The following MAGI3 variants were observed in gnomAD, a reference collection of about 807,000 sequenced individuals.
MAGI3 encodes the protein membrane-associated guanylate kinase, WW and PDZ domain-containing protein 3.
In MAGI3, 43 loss-of-function variants were observed where a neutral mutation model predicts 121.8. The ratio of observed to expected loss-of-function variants is 0.35; its 90% CI spans 0.28 to 0.46. MAGI3 has a LOEUF of 0.46. Among genes scored for constraint, MAGI3 ranks in the 20% least tolerant of loss-of-function variants. The pLI, the probability that MAGI3 is intolerant of heterozygous loss-of-function variation, is 1.00. For synonymous variants in MAGI3, 553 were observed against 639.3 expected (o/e 0.86, Z 2.04); for missense variants, 1,547 against 1,797.3 (o/e 0.86, Z 2.52).
chr1:113,595,608 C>G (rs907505395), intron 6 of MAGI3, among the ~76,000 whole-genome samples: 1 of 152,094 alleles, frequency 6.6e-6, no homozygotes, highest in Non-Finnish European at 1.5e-5. Context: ...AAGAAGCAAT[C>G]AGAAAATGGA....
intron 9 of MAGI3, among the ~76,000 whole-genome samples, chr1:113,636,650 A>G (rs1652044327): frequency 6.6e-6 from 1 of 152,070 alleles, no homozygotes; most frequent in Admixed American, 6.6e-5. Flanking sequence ...ACTTCCAACT[A>G]TGTGGTCAAT....
At chr1:113,466,421 C>T (rs1385403668) in intron 1 of MAGI3, among the ~76,000 whole-genome samples, 3 of 152,140 alleles carry the variant, frequency 2.0e-5, no homozygotes, top group Admixed American at 1.3e-4. Context: ...CATCTATGTT[C>T]ATCAGTGATA....
chr1:113,395,825 C>G (rs916255317), intron 1 of MAGI3, among the ~76,000 whole-genome samples: 1 of 151,874 alleles, frequency 6.6e-6, no homozygotes, highest in Non-Finnish European at 1.5e-5. Context: ...TTTAATAATT[C>G]TTTAATTTCT....
chr1:113,530,569 C>G (rs886815187), intron 1 of MAGI3, among the ~76,000 whole-genome samples: 2 of 151,594 alleles, frequency 1.3e-5, no homozygotes, highest in African/African-American at 4.8e-5. Context: ...TATAACAATA[C>G]TGCACATGTA....
At chr1:113,464,000 A>G (rs1253914436) in intron 1 of MAGI3, among the ~76,000 whole-genome samples, 1 of 152,126 alleles carries the variant, frequency 6.6e-6, no homozygotes, top group African/African-American at 2.4e-5. Flanking sequence ...TCTTTATGCT[A>G]TAAACATTCA....
chr1:113,589,523 T>A (rs1570908416), intron 4 of MAGI3, among the ~76,000 whole-genome samples: 1 of 152,122 alleles, frequency 6.6e-6, no homozygotes, highest in South Asian at 2.1e-4. Flanking sequence ...TTATAGTGGT[T>A]CATCATGGAA....
At chr1:113,431,205 CT>C (rs759788329) in intron 1 of MAGI3, among the ~76,000 whole-genome samples, 1 of 152,168 alleles carries the variant, frequency 6.6e-6, no homozygotes, top group Non-Finnish European at 1.5e-5. Context: ...ATAGTGCTAG[CT>C]ACTCAGGAGA....
chr1:113,567,789 A>T (rs1319712365), intron 2 of MAGI3, among the ~76,000 whole-genome samples: 1 of 152,094 alleles, frequency 6.6e-6, no homozygotes, highest in African/African-American at 2.4e-5. Flanking sequence ...TTTTCCTGTG[A>T]GATCCTGCAA....
intron 2 of MAGI3, among the ~76,000 whole-genome samples, chr1:113,579,148 G>A (rs560283621): frequency 4.6e-5 from 7 of 152,280 alleles, no homozygotes; most frequent in African/African-American, 1.4e-4. Flanking sequence ...AGCACCTACT[G>A]TGATCTTTGC....
At chr1:113,510,693 A>T (rs945059361) in intron 1 of MAGI3, among the ~76,000 whole-genome samples, 1 of 152,186 alleles carries the variant, frequency 6.6e-6, no homozygotes, top group Non-Finnish European at 1.5e-5. Flanking sequence ...GAGAAATTCT[A>T]AACTCTAGCA....
chr1:113,680,798 G>T (rs1216525963), intron 19 of MAGI3, among the ~76,000 whole-genome samples: 1 of 151,978 alleles, frequency 6.6e-6, no homozygotes, highest in Non-Finnish European at 1.5e-5. Flanking sequence ...TCCTACACAG[G>T]AAAGTTTTAT....
chr1:113,597,664 A>G (rs1171499037), intron 6 of MAGI3, among the ~76,000 whole-genome samples: 1 of 152,248 alleles, frequency 6.6e-6, no homozygotes, highest in African/African-American at 2.4e-5. Context: ...ACTGACGCTC[A>G]GCAGAAACCT....
chr1:113,462,937 A>G (rs1183658493), intron 1 of MAGI3, among the ~76,000 whole-genome samples: 2 of 152,176 alleles, frequency 1.3e-5, no homozygotes, highest in Non-Finnish European at 2.9e-5. Flanking sequence ...GCCCTGTAAT[A>G]TATCTTAGAT....
At chr1:113,512,084 A>AT (rs1476484843) in intron 1 of MAGI3, among the ~76,000 whole-genome samples, 1 of 152,126 alleles carries the variant, frequency 6.6e-6, no homozygotes, top group South Asian at 2.1e-4. Flanking sequence ...AAATGCCAAC[A>AT]TTTTTTTCAC....
chr1:113,593,002 ACT>A (rs1374617489), intron 5 of MAGI3, among the ~76,000 whole-genome samples: 1 of 152,016 alleles, frequency 6.6e-6, no homozygotes, highest in Non-Finnish European at 1.5e-5. Context: ...ACAGAGTGAG[ACT>A]CTGTCTCAAA....
At chr1:113,460,819 A>G (rs1654995524) in intron 1 of MAGI3, among the ~76,000 whole-genome samples, 1 of 152,054 alleles carries the variant, frequency 6.6e-6, no homozygotes, top group African/African-American at 2.4e-5. Context: ...AAAGAAAAAA[A>G]AAAAAGAAAA....
chr1:113,485,713 G>A (rs1656351126), intron 1 of MAGI3, among the ~76,000 whole-genome samples: 1 of 152,106 alleles, frequency 6.6e-6, no homozygotes, highest in Non-Finnish European at 1.5e-5. Flanking sequence ...TTTGCTTTCG[G>A]GTTCTTAGTC....
At chr1:113,594,634 GT>G in intron 6 of MAGI3, 74 bp downstream of exon 6, 1 of 1,325,440 alleles carries the variant, frequency 7.5e-7, no homozygotes, top group Non-Finnish European at 1.0e-6. Context: ...CAGATAATGG[GT>G]TTTTCAAAAC....
rs188685995 is a variant in MAGI3 at position 113,518,176 on chromosome 1, A to G, written c.317-31339A>G. Among the ~76,000 whole-genome samples, 3 of 152,158 alleles carry G rather than the reference A, an allele frequency of 2.0e-5. No homozygotes were observed. The East Asian group carries it at 5.8e-4, about 29-fold the overall frequency. ...TAAGCTCCTAGAGTGCAAAGAGTCT[A>G]TCTTTCTGTTCCCATGGTGGTTCAT... On this transcript the variant is annotated intron_variant, in intron 1 of 20. Transcript: ENST00000307546.
Sources: gnomAD v4.1 joint callset for allele counts (sites outside exome capture counted in the v4.1 genomes callset) on GRCh38, gnomAD v4.1.1 for gene constraint, MANE v1.5 for transcripts, NCBI Gene and HGNC (gene_info 2026-07-23, HGNC 2026-07-21) for gene names.